The following DLEU7 variants were observed in gnomAD, a reference collection of about 807,000 sequenced individuals.
The protein encoded by DLEU7 is deleted in lymphocytic leukemia 7, also known as leukemia-associated protein 7.
A neutral mutation model predicts 16.0 loss-of-function variants in DLEU7; 17 were observed. That is an observed-to-expected ratio of 1.06 (90% CI 0.73 to 1.59). The LOEUF is 1.59. Among genes scored for constraint, DLEU7 ranks in the 40% most tolerant of loss-of-function variants. The probability of loss-of-function intolerance (pLI) is 0.00; values close to 1 mark genes in which losing one functional copy is unlikely to be tolerated. For synonymous variants in DLEU7, 113 were observed against 139.8 expected (o/e 0.81, Z 1.35); for missense variants, 308 against 314.9 (o/e 0.98, Z 0.17).
intron 1 of DLEU7, among the ~76,000 whole-genome samples, chr13:50,807,314 C>G (rs912791710): frequency 2.0e-5 from 3 of 151,946 alleles, no homozygotes; most frequent in African/African-American, 7.2e-5. Flanking sequence ...TATTCTCTTT[C>G]TTGAATTCAT....
chr13:50,713,729 G>T (rs1274060906), intron 1 of DLEU7, among the ~76,000 whole-genome samples: 1 of 152,176 alleles, frequency 6.6e-6, no homozygotes, highest in Non-Finnish European at 1.5e-5. Context: ...TCAGTTAATA[G>T]GTACTGATTG....
intron 1 of DLEU7, among the ~76,000 whole-genome samples, chr13:50,731,349 A>G (rs146568489): frequency 5.9e-5 from 9 of 152,372 alleles, no homozygotes; most frequent in African/African-American, 2.2e-4. Flanking sequence ...CTTGTAGTCA[A>G]GGCCCTCCAC....
At chr13:50,828,017 T>C (rs1413007843) in intron 1 of DLEU7, among the ~76,000 whole-genome samples, 1 of 152,036 alleles carries the variant, frequency 6.6e-6, no homozygotes, top group Non-Finnish European at 1.5e-5. Flanking sequence ...GAAATAAAAC[T>C]ATGACTAATA....
intron 1 of DLEU7, among the ~76,000 whole-genome samples, chr13:50,743,199 A>AGGCTGGCT (rs1165346787): frequency 7.0e-6 from 1 of 143,034 alleles, no homozygotes; most frequent in Admixed American, 6.9e-5. Context: ...GCAGGCAGGC[A>AGGCTGGCT]GGCTGGCTGG....
intron 1 of DLEU7, among the ~76,000 whole-genome samples, chr13:50,732,803 C>T (rs1362851307): frequency 6.6e-6 from 1 of 152,016 alleles, no homozygotes; most frequent in Non-Finnish European, 1.5e-5. Flanking sequence ...CTTCCCAAGC[C>T]TTTGTCATCT....
intron 1 of DLEU7, among the ~76,000 whole-genome samples, chr13:50,771,909 G>C (rs576385846): frequency 6.6e-6 from 1 of 152,252 alleles, no homozygotes; most frequent in South Asian, 2.1e-4. Flanking sequence ...AAGTCTCTTT[G>C]TAGGTCTCTA....
chr13:50,715,072 C>A (rs1244656397), intron 1 of DLEU7, among the ~76,000 whole-genome samples: 1 of 152,118 alleles, frequency 6.6e-6, no homozygotes, highest in Non-Finnish European at 1.5e-5. Flanking sequence ...TCCCTGCTTC[C>A]CTGCGGGCTG....
chr13:50,743,546 G>A (rs891871453), intron 1 of DLEU7, among the ~76,000 whole-genome samples: 9 of 152,110 alleles, frequency 5.9e-5, no homozygotes, highest in Non-Finnish European at 2.9e-5. Context: ...ACCCTACCTT[G>A]CAGGATGTTT....
intron 1 of DLEU7, among the ~76,000 whole-genome samples, chr13:50,773,632 C>A (rs1418369958): frequency 6.8e-6 from 1 of 147,750 alleles, no homozygotes; most frequent in Non-Finnish European, 1.5e-5. Flanking sequence ...CTGCCTGATC[C>A]TTCCTCTGGA....
intron 1 of DLEU7, among the ~76,000 whole-genome samples, chr13:50,785,963 A>T (rs574250779): frequency 6.6e-6 from 1 of 152,294 alleles, no homozygotes; most frequent in South Asian, 2.1e-4. Context: ...CACTACTCAT[A>T]ATTGCTTGAA....
intron 1 of DLEU7, among the ~76,000 whole-genome samples, chr13:50,810,601 T>A (rs906300154): frequency 1.3e-5 from 2 of 152,102 alleles, no homozygotes; most frequent in African/African-American, 4.8e-5. Context: ...CATTTGGAAA[T>A]CACCGCATTA....
chr13:50,740,174 C>G (rs1187073616), intron 1 of DLEU7, among the ~76,000 whole-genome samples: 1 of 152,038 alleles, frequency 6.6e-6, no homozygotes, highest in Non-Finnish European at 1.5e-5. Flanking sequence ...TTTATTGATC[C>G]CTTGGTACAT....
intron 1 of DLEU7, among the ~76,000 whole-genome samples, chr13:50,832,635 T>C (rs1206815180): frequency 8.5e-5 from 13 of 152,246 alleles, no homozygotes; most frequent in Non-Finnish European, 2.9e-5. Context: ...TAAATTTCCC[T>C]CTAAACACTA....
At chr13:50,821,253 A>G (rs1876894506), downstream of DLEU7, among the ~76,000 whole-genome samples, 1 of 150,954 alleles carries the variant, frequency 6.6e-6, no homozygotes, top group African/African-American at 2.4e-5. Context: ...AAAAAAGGGA[A>G]GGGAACTGGT....
In DLEU7 at chr13:50,726,700, G is replaced by T. The variant is rs897973005; in HGVS notation, c.460-13460C>A. On this transcript the variant is annotated intron_variant, in intron 1 of 1. Coordinates refer to the DLEU7 transcript ENST00000400393. This position sits in a 1 kb window ranked among gnomAD's most constrained non-coding sequence, Gnocchi z 4.0. Reference sequence around the variant, plus strand: ...TATGCCTTTTATTTCTCCAGGCATGGGTGCACCTCGGGGGTGGGCTGAGCA... The same window carrying T: ...TATGCCTTTTATTTCTCCAGGCATGTGTGCACCTCGGGGGTGGGCTGAGCA... 6.6e-6 allele frequency among the ~76,000 whole-genome samples: 1 copy of T among 152,026 alleles called. No individual in the cohort carries two copies. The highest frequency in any genetic ancestry group is 1.5e-5 in the Non-Finnish European group (1 of 68,012).
At chr13:50,747,074 C>G (rs765113029) in intron 1 of DLEU7, among the ~76,000 whole-genome samples, 1 of 151,954 alleles carries the variant, frequency 6.6e-6, no homozygotes, top group Non-Finnish European at 1.5e-5. Flanking sequence ...ATAATAAGAA[C>G]CAGAATTCAC....
At chr13:50,835,298 G>A (rs182299260) in intron 1 of DLEU7, among the ~76,000 whole-genome samples, 4 of 152,340 alleles carry the variant, frequency 2.6e-5, no homozygotes, top group Admixed American at 2.0e-4. Context: ...TAGTGTGGGA[G>A]ACAAGACTGG....
intron 1 of DLEU7, among the ~76,000 whole-genome samples, chr13:50,752,506 G>T (rs111944633): frequency 6.6e-6 from 1 of 152,020 alleles, no homozygotes; most frequent in Non-Finnish European, 1.5e-5. Context: ...GGACCCTCGC[G>T]GTGAGTGTTA....
At chr13:50,792,851 T>C (rs1012646774) in intron 1 of DLEU7, among the ~76,000 whole-genome samples, 1 of 148,000 alleles carries the variant, frequency 6.8e-6, no homozygotes, top group Non-Finnish European at 1.5e-5. Context: ...TTTTCTTGCA[T>C]TCTTTGCTCC....
Sources: allele counts gnomAD v4.1 joint callset (sites outside exome capture counted in the v4.1 genomes callset), GRCh38; gene constraint gnomAD v4.1.1; non-coding constraint Gnocchi (gnomAD v3.1); transcripts MANE v1.5; gene names NCBI Gene and HGNC (gene_info 2026-07-23, HGNC 2026-07-21).